Variants in METTL6 observed in about 807,000 individuals in gnomAD.
METTL6 encodes the protein methyltransferase 6, tRNA N3-cytidine.
A neutral mutation model predicts 26.4 loss-of-function variants in METTL6; 22 were observed. That is an observed-to-expected ratio of 0.83 (90% confidence interval 0.59 to 1.19). The LOEUF (loss-of-function observed/expected upper bound fraction) is 1.19, where lower values mean the gene tolerates loss of function less well. Among genes scored for constraint, METTL6 ranks in the 50% most tolerant of loss-of-function variants. The pLI is 0.00. For synonymous variants in METTL6, 109 were observed against 116.2 expected (o/e 0.94, Z 0.40); for missense variants, 304 against 324.8 (o/e 0.94, Z 0.49).
intron 6 of METTL6, among the ~76,000 whole-genome samples, chr3:15,390,726 A>G (rs1441902113): frequency 6.6e-6 from 1 of 152,222 alleles, no homozygotes; most frequent in Non-Finnish European, 1.5e-5. Context: ...GAGGACAGCT[A>G]AGTGCCAACC....
At chr3:15,416,041 T>C in intron 3 of METTL6, 99 bp from the exon 4 acceptor site, 1 of 1,029,602 alleles carries the variant, frequency 9.7e-7, no homozygotes. Context: ...TCCACTTGTA[T>C]ACATAGAAAT....
At chr3:15,401,773 A>G (rs950541856) in intron 6 of METTL6, among the ~76,000 whole-genome samples, 4 of 152,086 alleles carry the variant, frequency 2.6e-5, no homozygotes, top group Admixed American at 6.5e-5. Context: ...GTTACCCTAT[A>G]TGGTCTTAAG....
chr3:15,401,064 G>A (rs1699626522), intron 6 of METTL6, among the ~76,000 whole-genome samples: 2 of 151,306 alleles, frequency 1.3e-5, no homozygotes, highest in South Asian at 4.2e-4. Flanking sequence ...TTTTGAGATG[G>A]AGTCTCACTC....
intron 6 of METTL6, among the ~76,000 whole-genome samples, chr3:15,396,106 ATTCTCCC>A (rs1412186114): frequency 6.6e-6 from 1 of 152,078 alleles, no homozygotes; most frequent in African/African-American, 2.4e-5. Flanking sequence ...ACTTGGTTCC[ATTCTCCC>A]CGTCACTTGC....
chr3:15,384,096 T>C (rs1295076981), exon 7 of METTL6: 4 of 403,218 alleles, frequency 9.9e-6, no homozygotes, highest in Admixed American at 3.3e-5. Flanking sequence ...AACAATATCA[T>C]ACTGGAAGAT....
chr3:15,422,652 TA>T (rs113335935), intron 3 of METTL6, among the ~76,000 whole-genome samples: 110 of 151,202 alleles, frequency 7.3e-4, no homozygotes, highest in Middle Eastern at 3.4e-3. Context: ...AAGATTAACT[TA>T]AAAAAAAAGT....
chr3:15,381,526 C>T (rs1699083257), exon 7 of METTL6: 1 of 152,150 alleles, frequency 6.6e-6, no homozygotes, highest in African/African-American at 2.4e-5. Context: ...TTTAACATAA[C>T]ATTATTACTT....
chr3:15,390,187 G>A (rs140521505), intron 6 of METTL6, among the ~76,000 whole-genome samples: 2,141 of 152,188 alleles, frequency 0.014, 26 homozygotes, highest in African/African-American at 0.028. Context: ...CAGCACTTCA[G>A]GAGGCCGAGG....
chr3:15,408,389 C>T (rs771624600), downstream of METTL6, among the ~76,000 whole-genome samples: 10 of 152,046 alleles, frequency 6.6e-5, no homozygotes, highest in Non-Finnish European at 1.2e-4. Context: ...TACTCACGTG[C>T]CATATATATG....
At chr3:15,393,747 G>A (rs1699411713) in intron 6 of METTL6, among the ~76,000 whole-genome samples, 2 of 152,152 alleles carry the variant, frequency 1.3e-5, no homozygotes, top group Non-Finnish European at 1.5e-5. Context: ...TGCATCTATT[G>A]AGATAATCAT....
intron 6 of METTL6, among the ~76,000 whole-genome samples, chr3:15,387,533 A>T (rs1699230866): frequency 6.6e-6 from 1 of 152,174 alleles, no homozygotes; most frequent in South Asian, 2.1e-4. Context: ...CCAAGGGAAA[A>T]ACTTCCCCTT....
intron 6 of METTL6, among the ~76,000 whole-genome samples, chr3:15,392,970 G>A (rs1381957388): frequency 6.6e-6 from 1 of 152,146 alleles, no homozygotes; most frequent in East Asian, 1.9e-4. Flanking sequence ...GGATTGACTT[G>A]GCAATGCGGG....
At chr3:15,389,354 G>A (rs1699282217) in intron 6 of METTL6, among the ~76,000 whole-genome samples, 1 of 152,088 alleles carries the variant, frequency 6.6e-6, no homozygotes, top group Non-Finnish European at 1.5e-5. Flanking sequence ...TGCAATAGAT[G>A]AGAAAGCATG....
At chr3:15,399,115 C>A (rs1699567617) in intron 6 of METTL6, among the ~76,000 whole-genome samples, 1 of 152,020 alleles carries the variant, frequency 6.6e-6, no homozygotes, top group South Asian at 2.1e-4. Flanking sequence ...TTTACAAATG[C>A]CATGGCAATG....
chr3:15,386,332 T>C (rs761781198), intron 6 of METTL6, among the ~76,000 whole-genome samples: 21 of 152,054 alleles, frequency 1.4e-4, no homozygotes, highest in Non-Finnish European at 2.5e-4. Flanking sequence ...CCTGCTTCCT[T>C]GGAGGACAGA....
At chr3:15,388,998 T>G (rs1348767217) in intron 6 of METTL6, among the ~76,000 whole-genome samples, 1 of 152,112 alleles carries the variant, frequency 6.6e-6, no homozygotes, top group Non-Finnish European at 1.5e-5. Flanking sequence ...TAGCTGTGAC[T>G]ATAGGCATAT....
intron 3 of METTL6, among the ~76,000 whole-genome samples, chr3:15,417,229 G>T (rs563953851): frequency 6.6e-6 from 1 of 152,258 alleles, no homozygotes; most frequent in South Asian, 2.1e-4. Flanking sequence ...GGCCAAGGCA[G>T]GTGGATCATG....
At chr3:15,382,459 C>G (rs1699100857) in exon 7 of METTL6, 1 of 152,108 alleles carries the variant, frequency 6.6e-6, no homozygotes, top group Non-Finnish European at 1.5e-5. Flanking sequence ...GATCTCGAAC[C>G]CAGGAGTTTG....
chr3:15,412,752 A>G (rs929932435), intron 5 of METTL6, among the ~76,000 whole-genome samples: 1 of 152,054 alleles, frequency 6.6e-6, no homozygotes, highest in Non-Finnish European at 1.5e-5. Flanking sequence ...AGTCTCCCAA[A>G]TAATTTTGCA....
Sources: allele counts gnomAD v4.1 joint callset (sites outside exome capture counted in the v4.1 genomes callset), GRCh38; gene constraint gnomAD v4.1.1; transcripts MANE v1.5; gene names NCBI Gene and HGNC (gene_info 2026-07-23, HGNC 2026-07-21).